Variants in BSG observed in about 807,000 individuals in gnomAD.
The protein encoded by BSG is basigin (Ok blood group), also known as basigin.
A neutral mutation model predicts 43.1 loss-of-function variants in BSG; 37 were observed. The ratio of observed to expected loss-of-function variants is 0.86; its 90% CI spans 0.66 to 1.13. BSG has a LOEUF of 1.13. Ranked by LOEUF, BSG falls within the 50% of genes most tolerant of loss-of-function variation. BSG has a pLI of 0.00. For missense variants in BSG, 599 were observed against 554.2 expected, an observed-to-expected ratio of 1.08 and a Z score of -0.81; for synonymous variants, 309 against 238.7, an observed-to-expected ratio of 1.29 and a Z score of -2.72.
chr19:577,677 G>C (rs370716353), intron 1 of BSG, 97 bp from the exon 2 acceptor site: 1 of 1,066,524 alleles, frequency 9.4e-7, no homozygotes. Flanking sequence ...TTCTCCACCA[G>C]CCCTGGCTGG....
At chr19:582,715 G>A in intron 8 of BSG, 35 bp from the exon 9 acceptor site, 2 of 998,794 alleles carry the variant, frequency 2.0e-6, no homozygotes, top group South Asian at 1.6e-5. Flanking sequence ...TCGCTGGGAG[G>A]TGGGTCCAGT....
chr19:572,720 GC>G lies in BSG; in HGVS notation c.67+20del. On this transcript the variant is annotated intron_variant, in intron 1 of 8. Coordinates refer to ENST00000333511, the MANE Select transcript of BSG (RefSeq NM_001728.4). ...GGGGCTGGTGAGGAGCGGGTAGGGGGCGGGGGTGCGGTCCTGCAGGGGCCGG... is the reference window on the plus strand; with the variant it reads ...GGGGCTGGTGAGGAGCGGGTAGGGGGGGGGGTGCGGTCCTGCAGGGGCCGG... 1 of 1,463,728 alleles carries G rather than the reference GC, an allele frequency of 6.8e-7. No homozygotes were observed. Among genetic ancestry groups the G allele is most frequent in the Non-Finnish European group, 9.1e-7 (1 of 1,100,318 alleles). 90.7% of individuals were successfully genotyped at this position (1,463,728 alleles called of 1,614,324 possible).
chr19:577,789 C>A lies in BSG; in HGVS notation c.83C>A (p.Ala28Glu), dbSNP rs371787236. The A allele has an allele frequency of 2.8e-6, 4 of 1,424,248 alleles. No homozygotes were observed. In the African/African-American group the frequency reaches 4.3e-5, roughly 15 times the overall value. 88.2% of individuals were successfully genotyped at this position (1,424,248 alleles called of 1,614,324 possible). A position where few individuals can be genotyped will look rare whatever the true frequency, so the allele number is the denominator to read the frequency against. ...GASGAAGFVQ[A>E]PLSQQRWVGG... Reference sequence around the variant, plus strand: ...CTCCCCACAGCCGGCTTCGTCCAGGCGCCGCTGTCCCAGCAGAGGTGGGTG... The same window carrying A: ...CTCCCCACAGCCGGCTTCGTCCAGGAGCCGCTGTCCCAGCAGAGGTGGGTG... The change falls in exon 2 of 9, where the codon GCG (alanine) becomes GAG (glutamate). Residue 28 changes from alanine to glutamate, a missense_variant. By Grantham distance (107) the Ala-to-Glu change is moderately radical. Transcript: ENST00000333511.
At chr19:579,794 AC>A in intron 3 of BSG, 138 bp downstream of exon 3, 1 of 1,338,384 alleles carries the variant, frequency 7.5e-7, no homozygotes, top group Non-Finnish European at 9.9e-7. Context: ...CTCCGCGCAG[AC>A]CCCCAGAGGG....
Position 579,574 on chromosome 19 carries a change from A to G in BSG, c.490A>G (p.Thr164Ala), listed in dbSNP as rs776176517. The change falls in exon 3 of 9, where the codon ACA (threonine) becomes GCA (alanine). Residue 164 changes from threonine (T) to alanine (A), a missense_variant. Transcript: ENST00000333511. ...LLTCSLNDSA[T>A]EVTGHRWLKG... is the part of the protein sequence containing the mutation. ...CACCTGCTCCTTGAATGACAGCGCC[A>G]CAGAGGTCACAGGGCACCGCTGGCT... The G allele has an allele frequency of 1.2e-6, 2 of 1,612,726 alleles. No individual in the cohort carries two copies. The highest frequency in any genetic ancestry group is 2.2e-5 in the East Asian group (1 of 44,866).
At position 580,418 on chromosome 19, in the gene BSG, C is replaced by T. The variant is rs1166525105; in HGVS notation, c.612C>T (p.Val204=). Residue 204 remains valine (V), a synonymous_variant, in exon 4 of 9, where the codon GTC becomes GTT. Coordinates refer to ENST00000333511, the MANE Select transcript of BSG (RefSeq NM_001728.4). ...SDDQWGEYSC[V]FLPEPMGTAN... The stretch of plus-strand genomic sequence containing the variant: ...ACCAGTGGGGAGAGTACTCCTGCGT[C>T]TTCCTCCCCGAGCCCATGGGCACGG... 6.2e-6 allele frequency: 10 copies of T among 1,611,388 alleles called. No individual in the cohort carries two copies. The highest frequency in any genetic ancestry group is 1.7e-5 in the Admixed American group (1 of 60,012).
chr19:576,925 G>A (rs988423670), intron 1 of BSG, among the ~76,000 whole-genome samples: 17 of 151,220 alleles, frequency 1.1e-4, no homozygotes, highest in East Asian at 3.9e-4. Flanking sequence ...GCATATGCAC[G>A]TGTGTATGTG....
At chr19:578,308 G>A (rs1473975818) in intron 2 of BSG, 187 bp downstream of exon 2, 7 of 556,716 alleles carry the variant, frequency 1.3e-5, no homozygotes, top group Non-Finnish European at 1.2e-5. Context: ...GACCACCAGC[G>A]CTGGGCGGCC....
intron 1 of BSG, among the ~76,000 whole-genome samples, chr19:575,943 G>C (rs1981731632): frequency 6.6e-6 from 1 of 151,924 alleles, no homozygotes; most frequent in Non-Finnish European, 1.5e-5. Context: ...TCTTCCGGAC[G>C]CCCCCCCACC....
At chr19:573,485 T>G (rs914049970) in intron 1 of BSG, among the ~76,000 whole-genome samples, 1 of 152,124 alleles carries the variant, frequency 6.6e-6, no homozygotes, top group Non-Finnish European at 1.5e-5. Context: ...CTTCACGGGA[T>G]TTAGCCCTGG....
At position 580,708 on chromosome 19, in the gene BSG, C is replaced by T. The variant is rs1404723656; in HGVS notation, c.718C>T (p.Leu240=). ...CATCAACGAGGGGGAGACGGCCATG[C>T]TGGTCTGCAAGTCAGAGTCCGTGCC... ...EHINEGETAM[L]VCKSESVPPV... The change falls in exon 5 of 9, where the codon CTG becomes TTG. Residue 240 remains leucine (L), a synonymous_variant. Coordinates refer to ENST00000333511, the MANE Select transcript of BSG (RefSeq NM_001728.4). 3 of 1,612,754 alleles carry T rather than the reference C, an allele frequency of 1.9e-6. No individual in the cohort carries two copies. Among genetic ancestry groups the T allele is most frequent in the African/African-American group, 2.7e-5 (2 of 74,936 alleles).
At position 580,471 on chromosome 19, in the gene BSG, G is replaced by T; in HGVS notation, c.655+10G>T. The T allele has an allele frequency of 6.2e-7, 1 of 1,609,878 alleles. No individual in the cohort carries two copies. On this transcript the variant is annotated intron_variant, in intron 4 of 8. Coordinates refer to ENST00000333511, the MANE Select transcript of BSG (RefSeq NM_001728.4). ...AACATCCAGCTCCACGGTGAGTCCT[G>T]CAGCCAGGGGTACCGGGCACCACCG...
At chr19:575,163 C>G (rs996946734) in intron 1 of BSG, 1 of 152,314 alleles carries the variant, frequency 6.6e-6, no homozygotes, top group South Asian at 2.1e-4. Context: ...GTGCTGGCAG[C>G]GCCGCCGTGC....
intron 2 of BSG, chr19:578,878 G>T (rs982432031): frequency 7.9e-6 from 3 of 381,758 alleles, no homozygotes; most frequent in Non-Finnish European, 1.6e-5. Flanking sequence ...TTACAGGCAT[G>T]AGCCAACATG....
chr19:579,193 G>A (rs1258892923), intron 2 of BSG: 6 of 515,394 alleles, frequency 1.2e-5, no homozygotes, highest in South Asian at 4.6e-5. Flanking sequence ...CAGGAACATC[G>A]CCAGGCGGGG....
rs1296581628 is a variant in BSG at position 580,385 on chromosome 19, C to T, written c.579C>T (p.Asp193=). The T allele has an allele frequency of 6.2e-7, 1 of 1,610,862 alleles. No individual in the cohort carries two copies. The highest frequency in any genetic ancestry group is 8.5e-7 in the Non-Finnish European group (1 of 1,179,856). ...CTGCCTGCTGTGGTTGCAGGGTGGA[C>T]TCCGACGACCAGTGGGGAGAGTACT... is the stretch of plus-strand genomic sequence containing the variant. ...LPGQKTEFKV[D]SDDQWGEYSC... is the part of the protein sequence containing the mutation. The change falls in exon 4 of 9, where the codon GAC becomes GAT. Residue 193 remains aspartate (D), a synonymous_variant. Coordinates refer to ENST00000333511, the MANE Select transcript of BSG (RefSeq NM_001728.4).
intron 2 of BSG, among the ~76,000 whole-genome samples, chr19:578,695 G>C (rs1458702896): frequency 6.6e-6 from 1 of 151,514 alleles, no homozygotes; most frequent in Non-Finnish European, 1.5e-5. Context: ...GTGCCTCCTA[G>C]AGAAGGGCAC....
rs190259313 is a variant in BSG at position 579,768 on chromosome 19, G to A, written c.572+112G>A. ...ACCGGTCGGCAGGCTTGATCCAGGC[G>A]GAAGTTAGGGACCAGCTCCGCGCAG... On this transcript the variant is annotated intron_variant, in intron 3 of 8. Transcript: ENST00000333511. 4.8e-4 allele frequency: 693 copies of A among 1,446,424 alleles called. 8 individuals carry two copies. In the East Asian group the frequency reaches 0.014, roughly 29 times the overall value. 89.6% of individuals were successfully genotyped at this position (1,446,424 alleles called of 1,614,324 possible).
intron 6 of BSG, among the ~76,000 whole-genome samples, chr19:582,082 G>T (rs1053882201): frequency 5.3e-5 from 8 of 152,150 alleles, no homozygotes; most frequent in African/African-American, 1.9e-4. Flanking sequence ...AGGCCATGGG[G>T]ACAGCTCACC....
Sources: gnomAD v4.1 joint callset for allele counts (sites outside exome capture counted in the v4.1 genomes callset) on GRCh38, gnomAD v4.1.1 for gene constraint, MANE v1.5 for transcripts, NCBI Gene and HGNC (gene_info 2026-07-23, HGNC 2026-07-21) for gene names.